The following GRIN2A variants were observed in gnomAD, a reference collection of about 807,000 sequenced individuals.
GRIN2A encodes glutamate ionotropic receptor NMDA type subunit 2A, also known as glutamate receptor ionotropic, NMDA 2A.
GRIN2A carries 22 observed loss-of-function variants against 113.4 expected under a neutral mutation model. The observed-to-expected ratio is 0.19, with a 90% CI of 0.14 to 0.28. The LOEUF (loss-of-function observed/expected upper bound fraction) is 0.28, where lower values mean the gene tolerates loss of function less well. GRIN2A is among the 10% of genes least tolerant of loss of function. The pLI is 1.00. For missense variants in GRIN2A, 1,502 were observed against 1,887.0 expected (o/e 0.80, Z 3.78); for synonymous variants, 827 against 738.4 (o/e 1.12, Z -1.94).
intron 2 of GRIN2A, among the ~76,000 whole-genome samples, chr16:10,062,976 G>C (rs922982518): frequency 6.6e-6 from 1 of 152,056 alleles, no homozygotes; most frequent in Middle Eastern, 3.2e-3. Flanking sequence ...AATCAACCTA[G>C]GTGCCCATCA....
chr16:9,850,678 A>G (rs1488628517), intron 4 of GRIN2A, among the ~76,000 whole-genome samples: 2 of 152,144 alleles, frequency 1.3e-5, no homozygotes, highest in Non-Finnish European at 2.9e-5. Context: ...CCCCAGATAC[A>G]GTTCTATTTA....
Position 9,952,161 on chromosome 16 carries a change from G to GC in GRIN2A, c.415-13611dup, listed in dbSNP as rs544682125. Reference sequence around the variant, plus strand: ...CCTCACCCAGAAAGAAAGTCATGGAGCCACAGAGCTCAACCCACCCTCAGC... The same window carrying GC: ...CCTCACCCAGAAAGAAAGTCATGGAGCCCACAGAGCTCAACCCACCCTCAGC... On this transcript the variant is annotated intron_variant, in intron 2 of 12. Coordinates refer to ENST00000330684, the MANE Select transcript of GRIN2A (RefSeq NM_001134407.3). Among the ~76,000 whole-genome samples the GC allele has an allele frequency of 2.4e-3, 367 of 152,256 alleles. 1 individual carries two copies. The highest frequency in any genetic ancestry group is 4.4e-3 in the Non-Finnish European group (302 of 68,028).
intron 2 of GRIN2A, among the ~76,000 whole-genome samples, chr16:10,133,389 C>A (rs1221377688): frequency 1.3e-5 from 2 of 152,202 alleles, no homozygotes; most frequent in African/African-American, 4.8e-5. Context: ...GGGTGGATCA[C>A]CTGAGGTCAG....
rs1596376404 is a variant in GRIN2A at position 9,764,259 on chromosome 16, G to A, written c.3285C>T (p.Pro1095=). 1 of 1,613,858 alleles carries A rather than the reference G, an allele frequency of 6.2e-7. No individual in the cohort carries two copies. Reference sequence around the variant, plus strand: ...TGCGCTCGACCTCACTACAGTCCTTGGGGTATTTGGAGGCCACTGACCTTT... The same window carrying A: ...TGCGCTCGACCTCACTACAGTCCTTAGGGTATTTGGAGGCCACTGACCTTT... ...NFKRSVASKY[P]KDCSEVERTY... The change falls in exon 13 of 13, where the codon CCC becomes CCT. Residue 1095 remains proline (P), a synonymous_variant. Transcript: ENST00000330684.
rs533083393 is a variant in GRIN2A at position 10,112,601 on chromosome 16, C to T, written c.414+67397G>A. On this transcript the variant is annotated intron_variant, in intron 2 of 12. Transcript: ENST00000330684. ...ACTTCTTCTCAGACAGGGTGCAGCT[C>T]AAGAAGTACTGGGGCATGGGCTCGC... The T allele has an allele frequency of 2.9e-5, 22 of 770,938 alleles. 1 individual carries two copies. The highest frequency in any genetic ancestry group is 2.8e-4 in the South Asian group (21 of 74,528). The allele number at this position is 770,938 out of a possible 1,614,324, so 47.8% of individuals were successfully genotyped here. A position where few individuals can be genotyped will look rare whatever the true frequency, so the allele number is the denominator to read the frequency against.
At chr16:9,994,424 T>A (rs1037994206) in intron 2 of GRIN2A, among the ~76,000 whole-genome samples, 5 of 152,080 alleles carry the variant, frequency 3.3e-5, no homozygotes, top group African/African-American at 1.2e-4. Context: ...GGAGGTGAAA[T>A]GAGAGAGTCT....
intron 2 of GRIN2A, among the ~76,000 whole-genome samples, chr16:10,005,075 T>G (rs1213316): frequency 0.19 from 28,326 of 152,198 alleles, 3,018 homozygotes; most frequent in East Asian, 0.38. Context: ...TTTACAAAGT[T>G]TTGAGGCTAG....
intron 2 of GRIN2A, among the ~76,000 whole-genome samples, chr16:9,975,437 C>T (rs533165785): frequency 3.9e-5 from 6 of 152,290 alleles, no homozygotes; most frequent in African/African-American, 1.4e-4. Flanking sequence ...GTCAGAAGAT[C>T]TTCATTCACC....
intron 3 of GRIN2A, among the ~76,000 whole-genome samples, chr16:9,915,833 C>T (rs539198089): frequency 6.6e-6 from 1 of 152,274 alleles, no homozygotes; most frequent in Admixed American, 6.5e-5. Flanking sequence ...ACTAATGGCA[C>T]CTACATGACA....
intron 11 of GRIN2A, among the ~76,000 whole-genome samples, chr16:9,781,387 G>T (rs568371515): frequency 6.6e-6 from 1 of 152,168 alleles, no homozygotes; most frequent in African/African-American, 2.4e-5. Flanking sequence ...TTGAGACAGG[G>T]TCTTGTTCTG....
At chr16:10,031,082 C>G (rs936771129) in intron 2 of GRIN2A, among the ~76,000 whole-genome samples, 1 of 152,172 alleles carries the variant, frequency 6.6e-6, no homozygotes, top group African/African-American at 2.4e-5. Context: ...AGAGAAGAAG[C>G]CTACGCTGGA....
intron 4 of GRIN2A, among the ~76,000 whole-genome samples, chr16:9,856,824 G>GA (rs1278759571): frequency 2.6e-5 from 4 of 151,832 alleles, no homozygotes; most frequent in Admixed American, 6.6e-5. Flanking sequence ...GCAGAACCAG[G>GA]ATGTGAACCC....
intron 3 of GRIN2A, among the ~76,000 whole-genome samples, chr16:9,893,277 T>C (rs1356079876): frequency 3.3e-5 from 5 of 152,088 alleles, no homozygotes; most frequent in African/African-American, 1.2e-4. Context: ...TCTAAAAGGG[T>C]TATGGGTATT....
chr16:9,873,237 T>C (rs1268229901), intron 4 of GRIN2A, among the ~76,000 whole-genome samples: 1 of 152,178 alleles, frequency 6.6e-6, no homozygotes, highest in Non-Finnish European at 1.5e-5. Context: ...AGCTACTTAA[T>C]GGATACAATG....
intron 2 of GRIN2A, among the ~76,000 whole-genome samples, chr16:10,056,620 G>T (rs562943646): frequency 1.2e-3 from 187 of 152,208 alleles, no homozygotes; most frequent in South Asian, 3.7e-3. Context: ...TACTGAATTT[G>T]GACCCCAGTC....
chr16:9,845,591 T>C (rs1038735800), intron 5 of GRIN2A, among the ~76,000 whole-genome samples: 1 of 152,188 alleles, frequency 6.6e-6, no homozygotes, highest in Non-Finnish European at 1.5e-5. Context: ...ATCCTCCTTG[T>C]AACTCATCAC....
intron 4 of GRIN2A, 28 bp from the exon 5 acceptor site, chr16:9,849,989 G>C (rs948154660): frequency 6.3e-7 from 1 of 1,592,174 alleles, no homozygotes; most frequent in African/African-American, 1.3e-5. Context: ...AGACACAGCT[G>C]TGCTTTCTTC....
intron 2 of GRIN2A, among the ~76,000 whole-genome samples, chr16:9,944,622 G>A (rs1034500709): frequency 5.9e-5 from 9 of 152,190 alleles, no homozygotes; most frequent in African/African-American, 9.6e-5. Context: ...TGGTTGCCTA[G>A]TTGCGGAGAG....
chr16:9,792,446 C>A (rs7195835), intron 11 of GRIN2A, among the ~76,000 whole-genome samples: 56,738 of 151,802 alleles, frequency 0.37, 11,483 homozygotes, highest in African/African-American at 0.54. Context: ...CTGATCTTGA[C>A]CTCCTGGATT....
Sources: gnomAD v4.1 joint callset for allele counts (sites outside exome capture counted in the v4.1 genomes callset) on GRCh38, gnomAD v4.1.1 for gene constraint, MANE v1.5 for transcripts, NCBI Gene and HGNC (gene_info 2026-07-23, HGNC 2026-07-21) for gene names.